The following KMT2C variants were observed in gnomAD, a reference collection of about 807,000 sequenced individuals.
KMT2C encodes the protein histone-lysine N-methyltransferase 2C.
A neutral mutation model predicts 507.9 loss-of-function variants in KMT2C; 88 were observed. That is an observed-to-expected ratio of 0.17 (90% confidence interval 0.15 to 0.21). The LOEUF (loss-of-function observed/expected upper bound fraction) is 0.21. Ranked by LOEUF, KMT2C falls within the 10% of genes least tolerant of loss-of-function variation. The pLI, the probability that KMT2C is intolerant of heterozygous loss-of-function variation, is 1.00. For synonymous variants in KMT2C, 2,049 were observed against 2,080.8 expected, an observed-to-expected ratio of 0.98 and a Z score of 0.42; for missense variants, 4,954 against 5,957.8, an observed-to-expected ratio of 0.83 and a Z score of 5.55.
intron 1 of KMT2C, among the ~76,000 whole-genome samples, chr7:152,414,641 G>A (rs2747134): frequency 0.025 from 3,711 of 150,988 alleles, 164 homozygotes; most frequent in African/African-American, 0.085. Context: ...GATTACAGGC[G>A]CCCGGCATCA....
Position 152,250,972 on chromosome 7 carries a change from C to A in KMT2C, c.1622-6G>T. 6.8e-7 allele frequency: 1 copy of A among 1,472,348 alleles called. No individual in the cohort carries two copies. The highest frequency in any genetic ancestry group is 1.2e-5 in the South Asian group (1 of 86,528). The allele number at this position is 1,472,348 out of a possible 1,614,324, so 91.2% of individuals were successfully genotyped here. On this transcript the variant is annotated splice_polypyrimidine_tract_variant and splice_region_variant and intron_variant, in intron 11 of 58. Transcript: ENST00000262189. ...TTCCATTTCATTGTTATAATCTTAACAAAAAATTATTAATTCTTTAGCTCA... is the reference window on the plus strand; with the variant it reads ...TTCCATTTCATTGTTATAATCTTAAAAAAAAATTATTAATTCTTTAGCTCA...
intron 23 of KMT2C, among the ~76,000 whole-genome samples, chr7:152,210,548 T>G (rs1297447511): frequency 2.0e-5 from 3 of 152,062 alleles, no homozygotes; most frequent in Non-Finnish European, 4.4e-5. Flanking sequence ...AGTTTTTTTT[T>G]TTTTAAAAAA....
intron 7 of KMT2C, among the ~76,000 whole-genome samples, chr7:152,267,759 C>T (rs1399046326): frequency 2.6e-5 from 4 of 152,162 alleles, no homozygotes; most frequent in Non-Finnish European, 5.9e-5. Flanking sequence ...TAAAACTCCA[C>T]CAATACCTCA....
rs1266632816 is a variant in KMT2C, at chr7:152,220,625, A to G, written c.3610T>C (p.Leu1204=). Reference sequence around the variant, plus strand: ...TTCTGATTTATAATCTTCAATTTCAATTTTGGTTTTGACCGTTTTCTTCTT... The same window carrying G: ...TTCTGATTTATAATCTTCAATTTCAGTTTTGGTTTTGACCGTTTTCTTCTT... ...VPRRKRSKPK[L]KLKIINQNSV... is the part of the protein sequence containing the mutation. The change falls in exon 23 of 59, where the codon TTG becomes CTG. Residue 1204 remains leucine (L), a synonymous_variant. Coordinates refer to ENST00000262189, the MANE Select transcript of KMT2C (RefSeq NM_170606.3). 5.0e-6 allele frequency: 8 copies of G among 1,611,894 alleles called. No homozygotes were observed. In the African/African-American group the frequency reaches 6.7e-5, roughly 13 times the overall value.
intron 42 of KMT2C, 140 bp from the exon 43 acceptor site, chr7:152,163,966 CA>C (rs1358346128): frequency 3.0e-6 from 2 of 675,342 alleles, no homozygotes; most frequent in Admixed American, 5.3e-5. Flanking sequence ...TGGGTAACTG[CA>C]AAAGTCACAA....
At chr7:152,180,232 G>A in intron 36 of KMT2C, 106 bp from the exon 37 acceptor site, 2 of 1,254,668 alleles carry the variant, frequency 1.6e-6, no homozygotes, top group Non-Finnish European at 2.3e-6. Context: ...TGTTGCCCAG[G>A]CTGGCCTCAA....
At chr7:152,418,954 A>G (rs1442483298) in intron 1 of KMT2C, among the ~76,000 whole-genome samples, 2 of 152,036 alleles carry the variant, frequency 1.3e-5, no homozygotes, top group African/African-American at 4.8e-5. Context: ...GGCACTTTGA[A>G]AGGCCAAGGT....
intron 44 of KMT2C, chr7:152,157,914 C>A: frequency 7.5e-7 from 1 of 1,332,652 alleles, no homozygotes; most frequent in Non-Finnish European, 9.9e-7. Context: ...TTAGAGGGAG[C>A]AGAGAGAGCT....
At position 152,183,017 on chromosome 7, in the gene KMT2C, T is replaced by C. The variant is rs1294628790; in HGVS notation, c.5222A>G (p.Lys1741Arg). 3.1e-6 allele frequency: 5 copies of C among 1,609,286 alleles called. No homozygotes were observed. The highest frequency in any genetic ancestry group is 4.2e-6 in the Non-Finnish European group (5 of 1,178,726). The change falls in exon 35 of 59, where the codon AAG becomes AGG. Residue 1741 changes from lysine to arginine, a missense_variant. By Grantham distance (26) the Lys-to-Arg change is conservative. Coordinates refer to ENST00000262189, the MANE Select transcript of KMT2C (RefSeq NM_170606.3). ...CTGTTCATGTTCTGATTCTCTTTGC[T>C]TTAAAGGATCTTTAAAAAGCTCCGA... ...IDSELFKDPL[K>R]QRESEHEQEW...
intron 2 of KMT2C, among the ~76,000 whole-genome samples, chr7:152,336,203 G>A (rs2096933755): frequency 6.6e-6 from 1 of 152,058 alleles, no homozygotes; most frequent in Non-Finnish European, 1.5e-5. Flanking sequence ...CCACAAAATA[G>A]GAACAAACAA....
chr7:152,346,702 T>C (rs1415298536), intron 2 of KMT2C, among the ~76,000 whole-genome samples: 1 of 152,196 alleles, frequency 6.6e-6, no homozygotes, highest in Non-Finnish European at 1.5e-5. Context: ...CCTTGAAAAC[T>C]TAACTACTAA....
intron 3 of KMT2C, among the ~76,000 whole-genome samples, chr7:152,320,083 C>T (rs908956413): frequency 1.3e-5 from 2 of 152,180 alleles, no homozygotes; most frequent in African/African-American, 4.8e-5. Context: ...TTTCTATACT[C>T]TCGTCTCCGC....
At chr7:152,268,621 C>T (rs2095902052) in intron 7 of KMT2C, among the ~76,000 whole-genome samples, 1 of 152,076 alleles carries the variant, frequency 6.6e-6, no homozygotes. Context: ...ATAGAAAGGA[C>T]ATAACTGGGA....
At chr7:152,402,864 C>T (rs2097581744) in intron 1 of KMT2C, 2 of 153,846 alleles carry the variant, frequency 1.3e-5, no homozygotes, top group African/African-American at 2.4e-5. Flanking sequence ...TCTTTACTCC[C>T]CTTTCACTAC....
At chr7:152,309,897 T>C in intron 6 of KMT2C, 69 bp downstream of exon 6, 1 of 975,454 alleles carries the variant, frequency 1.0e-6, no homozygotes, top group Non-Finnish European at 1.6e-6. Flanking sequence ...TAATAATCCT[T>C]TCAAGTGAAC....
chr7:152,354,671 T>A (rs1273974676), intron 2 of KMT2C, among the ~76,000 whole-genome samples: 5 of 151,654 alleles, frequency 3.3e-5, no homozygotes, highest in East Asian at 1.9e-4. Flanking sequence ...TGAGAAAAAA[T>A]TTTTCCAAGC....
At chr7:152,333,126 T>C (rs1057098807) in intron 2 of KMT2C, among the ~76,000 whole-genome samples, 3 of 152,108 alleles carry the variant, frequency 2.0e-5, no homozygotes, top group African/African-American at 7.2e-5. Flanking sequence ...CTATACATCC[T>C]TTATATACTC....
chr7:152,237,695 T>G (rs2095305738), intron 15 of KMT2C, among the ~76,000 whole-genome samples: 1 of 152,098 alleles, frequency 6.6e-6, no homozygotes, highest in South Asian at 2.1e-4. Flanking sequence ...GAGACAGGGT[T>G]TCACCATGTT....
In KMT2C at chr7:152,136,677, C is replaced by G; in HGVS notation, c.*155G>C. 1.6e-6 allele frequency: 1 copy of G among 624,622 alleles called. No individual in the cohort carries two copies. Among genetic ancestry groups the G allele is most frequent in the East Asian group, 2.7e-5 (1 of 36,506 alleles). 38.7% of individuals were successfully genotyped at this position (624,622 alleles called of 1,614,324 possible). A position where few individuals can be genotyped will look rare whatever the true frequency, so the allele number is the denominator to read the frequency against. On this transcript the variant is annotated 3_prime_UTR_variant, in exon 59 of 59. Transcript: ENST00000262189. ...CAGCTTCCTCCTGGCGCTGCTTTAA[C>G]CTAAAGGACTGAGGAAATCAGAACT...
Sources: gnomAD v4.1 joint callset for allele counts (sites outside exome capture counted in the v4.1 genomes callset) on GRCh38, gnomAD v4.1.1 for gene constraint, MANE v1.5 for transcripts, NCBI Gene and HGNC (gene_info 2026-07-23, HGNC 2026-07-21) for gene names.